ST6GALNAC5: variants seen among roughly 807,000 people sequenced by gnomAD.
ST6GALNAC5 encodes alpha-N-acetylgalactosaminide alpha-2,6-sialyltransferase 5.
A neutral mutation model predicts 33.6 loss-of-function variants in ST6GALNAC5; 27 were observed. That is an observed-to-expected ratio of 0.80 (90% CI 0.59 to 1.11). ST6GALNAC5 has a LOEUF of 1.11. ST6GALNAC5 is among the 50% of genes least tolerant of loss of function. The pLI is 0.00. For synonymous variants in ST6GALNAC5, 194 were observed against 171.2 expected (o/e 1.13, Z -1.04); for missense variants, 428 against 454.0 (o/e 0.94, Z 0.52).
rs909259173 is a variant in ST6GALNAC5, at chr1:76,917,798, A to G, written c.261+49056A>G. 5.3e-5 allele frequency among the ~76,000 whole-genome samples: 8 copies of G among 152,286 alleles called. No homozygotes were observed. The South Asian group carries it at 1.7e-3, about 32-fold the overall frequency. Reference sequence around the variant, plus strand: ...TATAAGTTCTGATACAAAGGCTAGTAGGCTGAAGACCCAAGAAGAGTCTTG... The same window carrying G: ...TATAAGTTCTGATACAAAGGCTAGTGGGCTGAAGACCCAAGAAGAGTCTTG... On this transcript the variant is annotated intron_variant, in intron 2 of 4. Coordinates refer to ENST00000477717, the MANE Select transcript of ST6GALNAC5 (RefSeq NM_030965.3).
At chr1:77,051,490 GAA>G (rs1328872622) in intron 4 of ST6GALNAC5, among the ~76,000 whole-genome samples, 1 of 151,936 alleles carries the variant, frequency 6.6e-6, no homozygotes, top group Non-Finnish European at 1.5e-5. Context: ...TGACCTTGAA[GAA>G]GTCACTTAGT....
chr1:76,869,528 C>T (rs1653447989), intron 2 of ST6GALNAC5, among the ~76,000 whole-genome samples: 1 of 152,310 alleles, frequency 6.6e-6, no homozygotes. Flanking sequence ...TTATTTGAAG[C>T]TGCTCGTATG....
intron 2 of ST6GALNAC5, among the ~76,000 whole-genome samples, chr1:76,902,957 G>A (rs1342535602): frequency 4.6e-5 from 7 of 151,812 alleles, no homozygotes; most frequent in Admixed American, 4.6e-4. Context: ...GAAAACTCAG[G>A]GATAAATCTG....
At chr1:76,916,419 T>C (rs1275444641) in intron 2 of ST6GALNAC5, among the ~76,000 whole-genome samples, 1 of 152,224 alleles carries the variant, frequency 6.6e-6, no homozygotes, top group Non-Finnish European at 1.5e-5. Context: ...TCAAGTGCTA[T>C]ACATTGGTCT....
intron 2 of ST6GALNAC5, among the ~76,000 whole-genome samples, chr1:77,008,277 G>C (rs527929620): frequency 2.4e-4 from 36 of 152,174 alleles, no homozygotes; most frequent in Non-Finnish European, 5.0e-4. Context: ...AGGTATTTCA[G>C]TGGGGGAGAA....
At chr1:77,048,749 G>C (rs1196223418) in intron 3 of ST6GALNAC5, among the ~76,000 whole-genome samples, 2 of 152,196 alleles carry the variant, frequency 1.3e-5, no homozygotes, top group Non-Finnish European at 2.9e-5. Context: ...AACTAAAAGA[G>C]GAGGAAGAGA....
At chr1:76,967,151 G>A (rs565985170) in intron 2 of ST6GALNAC5, among the ~76,000 whole-genome samples, 20 of 152,190 alleles carry the variant, frequency 1.3e-4, no homozygotes, top group South Asian at 6.2e-4. Context: ...TCTATTGATC[G>A]GAATACTTTC....
At chr1:77,021,742 T>C (rs929328858) in intron 2 of ST6GALNAC5, among the ~76,000 whole-genome samples, 4 of 152,238 alleles carry the variant, frequency 2.6e-5, no homozygotes, top group Non-Finnish European at 4.4e-5. Context: ...TAGGTTATCA[T>C]TGGATCCCAT....
intron 2 of ST6GALNAC5, among the ~76,000 whole-genome samples, chr1:76,985,889 A>C (rs1289365824): frequency 6.6e-6 from 1 of 152,236 alleles, no homozygotes; most frequent in Non-Finnish European, 1.5e-5. Context: ...CAAACCTGAC[A>C]AAAACAAGAA....
intron 2 of ST6GALNAC5, among the ~76,000 whole-genome samples, chr1:77,035,429 T>C (rs1651612997): frequency 6.6e-6 from 1 of 152,128 alleles, no homozygotes; most frequent in African/African-American, 2.4e-5. Context: ...AGAGGGGCCA[T>C]TTAAACAACA....
At chr1:76,874,434 A>ATT (rs1305094828) in intron 2 of ST6GALNAC5, among the ~76,000 whole-genome samples, 2 of 152,160 alleles carry the variant, frequency 1.3e-5, no homozygotes, top group Admixed American at 6.5e-5. Flanking sequence ...AGGATATTAT[A>ATT]TTATATATAT....
At chr1:76,900,963 G>T (rs999271484) in intron 2 of ST6GALNAC5, among the ~76,000 whole-genome samples, 1 of 152,172 alleles carries the variant, frequency 6.6e-6, no homozygotes, top group African/African-American at 2.4e-5. Context: ...ATTATTTACA[G>T]TGAGCACATT....
At chr1:77,033,008 G>T (rs1222657011) in intron 2 of ST6GALNAC5, among the ~76,000 whole-genome samples, 1 of 152,174 alleles carries the variant, frequency 6.6e-6, no homozygotes, top group East Asian at 1.9e-4. Context: ...GCAGGTTTTT[G>T]TTTGTTCTAA....
At chr1:76,961,864 C>G (rs1456258011) in intron 2 of ST6GALNAC5, among the ~76,000 whole-genome samples, 1 of 152,136 alleles carries the variant, frequency 6.6e-6, no homozygotes, top group Non-Finnish European at 1.5e-5. Flanking sequence ...ATGTTCTTCT[C>G]CCTACCCCAC....
At chr1:76,923,989 T>C (rs1213384009) in intron 2 of ST6GALNAC5, among the ~76,000 whole-genome samples, 1 of 152,106 alleles carries the variant, frequency 6.6e-6, no homozygotes, top group East Asian at 1.9e-4. Context: ...ATTGAAAATA[T>C]GGTCAAATAA....
chr1:76,892,999 C>T (rs909095787), intron 2 of ST6GALNAC5, among the ~76,000 whole-genome samples: 1 of 152,158 alleles, frequency 6.6e-6, no homozygotes, highest in Non-Finnish European at 1.5e-5. Context: ...CCAGATTCAC[C>T]TCTGTAGGCC....
intron 2 of ST6GALNAC5, among the ~76,000 whole-genome samples, chr1:76,916,799 G>C (rs111453128): frequency 6.6e-6 from 1 of 151,988 alleles, no homozygotes; most frequent in East Asian, 1.9e-4. Flanking sequence ...TGTTACCATG[G>C]CTATGGCTTC....
At position 76,895,825 on chromosome 1, in the gene ST6GALNAC5, G is replaced by A. The variant is rs571008572; in HGVS notation, c.261+27083G>A. 1.1e-3 allele frequency among the ~76,000 whole-genome samples: 171 copies of A among 152,312 alleles called. 2 individuals are homozygous for A. The highest frequency in any genetic ancestry group is 2.4e-3 in the African/African-American group (98 of 41,582). The stretch of plus-strand genomic sequence containing the variant: ...GGGGCACAGTCTAAGTTGGTCTGGC[G>A]TCTGGAATGAGACTGGGGCCTAATA... On this transcript the variant is annotated intron_variant, in intron 2 of 4. Transcript: ENST00000477717.
At chr1:77,043,444 C>T (rs1315567986) in intron 2 of ST6GALNAC5, among the ~76,000 whole-genome samples, 5 of 152,208 alleles carry the variant, frequency 3.3e-5, no homozygotes. Context: ...AGAGAAGGAC[C>T]TAGGCCCTGC....
Sources: gnomAD v4.1 joint callset for allele counts (sites outside exome capture counted in the v4.1 genomes callset) on GRCh38, gnomAD v4.1.1 for gene constraint, MANE v1.5 for transcripts, NCBI Gene and HGNC (gene_info 2026-07-23, HGNC 2026-07-21) for gene names.